STIM1: variants seen among roughly 807,000 people sequenced by gnomAD.
STIM1 encodes stromal interaction molecule 1.
In STIM1, 25 loss-of-function variants were observed where a neutral mutation model predicts 74.7. The ratio of observed to expected loss-of-function variants is 0.33; its 90% CI spans 0.24 to 0.47. STIM1 has a LOEUF of 0.47. STIM1 is among the 20% of genes least tolerant of loss of function. The pLI is 1.00. For missense variants in STIM1, 728 were observed against 920.8 expected (o/e 0.79, Z 2.71); for synonymous variants, 328 against 348.8 (o/e 0.94, Z 0.66).
At position 4,055,643 on chromosome 11, in the gene STIM1, G is replaced by A; in HGVS notation, c.497+6G>A. 6.4e-7 allele frequency: 1 copy of A among 1,571,296 alleles called. No individual in the cohort carries two copies. The highest frequency in any genetic ancestry group is 2.3e-5 in the East Asian group (1 of 43,146). On this transcript the variant is annotated splice_donor_region_variant and intron_variant, in intron 4 of 12. Coordinates refer to ENST00000526596, the MANE Select transcript of STIM1 (RefSeq NM_001382567.1). ...AGTGGCCATGCCATGCCAAGGTCAG[G>A]AGGGGACTGGGTTTTTCTCTGTTGA...
rs192200663 is a variant in STIM1, at chr11:4,087,388, T to C, written c.1634+845T>C. On this transcript the variant is annotated intron_variant, in intron 12 of 12. Transcript: ENST00000526596. ...GGAATGCTTCACCAAAGAGATGAATTTGTGCTAACATCCTGTGTGAAGGGA... is the reference window on the plus strand; with the variant it reads ...GGAATGCTTCACCAAAGAGATGAATCTGTGCTAACATCCTGTGTGAAGGGA... Among the ~76,000 whole-genome samples the C allele has an allele frequency of 7.0e-4, 106 of 152,290 alleles. 1 individual carries two copies. The highest frequency in any genetic ancestry group is 2.5e-3 in the African/African-American group (104 of 41,546).
At chr11:4,044,003 A>C (rs1284215334) in intron 3 of STIM1, among the ~76,000 whole-genome samples, 1 of 151,018 alleles carries the variant, frequency 6.6e-6, no homozygotes, top group Non-Finnish European at 1.5e-5. Context: ...GACATAGTAG[A>C]CTCCGCCTCA....
At chr11:3,923,397 C>T (rs536524318) in intron 1 of STIM1, among the ~76,000 whole-genome samples, 3 of 152,076 alleles carry the variant, frequency 2.0e-5, no homozygotes, top group African/African-American at 7.2e-5. Flanking sequence ...TCACTTGAGG[C>T]CAGGAGTTTG....
chr11:3,931,011 T>C (rs1041891483), intron 1 of STIM1, among the ~76,000 whole-genome samples: 1 of 152,212 alleles, frequency 6.6e-6, no homozygotes, highest in East Asian at 1.9e-4. Flanking sequence ...CTCCTAGAGC[T>C]TGCAGTGTAG....
intron 2 of STIM1, among the ~76,000 whole-genome samples, chr11:4,021,349 C>T (rs2093954196): frequency 6.6e-6 from 1 of 152,230 alleles, no homozygotes; most frequent in South Asian, 2.1e-4. Flanking sequence ...TGGTCTCCAA[C>T]TCCCAGCTTC....
Position 4,091,615 on chromosome 11 carries a change from C to T in STIM1, c.1968C>T (p.Asp656=), listed in dbSNP as rs1347659816. 1 of 1,614,232 alleles carries T rather than the reference C, an allele frequency of 6.2e-7. No homozygotes were observed. The change falls in exon 13 of 13, where the codon GAC becomes GAT. Residue 656 remains aspartate (D), a synonymous_variant. Transcript: ENST00000526596. ...RSHSPSSPDP[D]TPSPVGDSRA... ...ACAGCCCCAGCTCCCCAGACCCAGACACACCATCTCCAGTTGGGGACAGCC... is the reference window on the plus strand; with the variant it reads ...ACAGCCCCAGCTCCCCAGACCCAGATACACCATCTCCAGTTGGGGACAGCC...
chr11:3,977,734 A>C (rs1466567055), intron 2 of STIM1, among the ~76,000 whole-genome samples: 3 of 152,178 alleles, frequency 2.0e-5, no homozygotes, highest in Non-Finnish European at 4.4e-5. Context: ...AACTTTAGGC[A>C]AATAACCTTA....
At chr11:3,937,023 C>T (rs1018859985) in intron 1 of STIM1, among the ~76,000 whole-genome samples, 1 of 151,952 alleles carries the variant, frequency 6.6e-6, no homozygotes, top group African/African-American at 2.4e-5. Flanking sequence ...TTAATCTCTG[C>T]AGCTGGGTGC....
chr11:3,865,315 TC>T (rs1358415446), intron 1 of STIM1, among the ~76,000 whole-genome samples: 2 of 152,236 alleles, frequency 1.3e-5, no homozygotes, highest in Admixed American at 1.3e-4. Context: ...TATAATTTTC[TC>T]TGATTCTCAT....
At chr11:3,973,597 G>A (rs1198794071) in intron 2 of STIM1, among the ~76,000 whole-genome samples, 1 of 152,022 alleles carries the variant, frequency 6.6e-6, no homozygotes, top group Non-Finnish European at 1.5e-5. Flanking sequence ...ATGAGGTCTT[G>A]CCATGCTGCC....
chr11:3,895,686 C>CT lies in STIM1; in HGVS notation c.139+39280dup, dbSNP rs1247033789. The stretch of plus-strand genomic sequence containing the variant: ...TCTTTCTTTCTTTCCTTCCTTCCTT[C>CT]TTTCTTTCTTTCTTTCTTTCTTTCT... On this transcript the variant is annotated intron_variant, in intron 1 of 12. Coordinates refer to ENST00000526596, the MANE Select transcript of STIM1 (RefSeq NM_001382567.1). Among the ~76,000 whole-genome samples the CT allele has an allele frequency of 5.8e-3, 203 of 34,760 alleles. 4 individuals are homozygous for CT. Among genetic ancestry groups the CT allele is most frequent in the African/African-American group, 9.8e-3 (51 of 5,202 alleles). The allele number at this position is 34,760 out of a possible 152,430, so 22.8% of individuals were successfully genotyped here.
At chr11:3,995,280 T>C (rs561005840) in intron 2 of STIM1, among the ~76,000 whole-genome samples, 1 of 152,304 alleles carries the variant, frequency 6.6e-6, no homozygotes, top group Admixed American at 6.5e-5. Flanking sequence ...TAATATATTG[T>C]AGCAACTTTG....
At chr11:4,005,781 A>C (rs1300567902) in intron 2 of STIM1, among the ~76,000 whole-genome samples, 1 of 152,144 alleles carries the variant, frequency 6.6e-6, no homozygotes, top group Non-Finnish European at 1.5e-5. Context: ...ATAGACTGAC[A>C]GAAAAGAGAC....
chr11:3,989,347 T>C, intron 2 of STIM1: 2 of 814,418 alleles, frequency 2.5e-6, no homozygotes, highest in Non-Finnish European at 4.4e-6. Context: ...TGCTGCTGCC[T>C]TTTTCGGCTT....
At chr11:4,067,871 C>G (rs1373029283) in intron 5 of STIM1, among the ~76,000 whole-genome samples, 1 of 152,192 alleles carries the variant, frequency 6.6e-6, no homozygotes, top group African/African-American at 2.4e-5. Flanking sequence ...CTTCTGTATG[C>G]TGGTTGATGT....
rs181645463 is a variant in STIM1 at position 3,963,333 on chromosome 11, G to A, written c.140-4219G>A. 1.2e-3 allele frequency among the ~76,000 whole-genome samples: 179 copies of A among 152,260 alleles called. 1 individual carries two copies. Among genetic ancestry groups the A allele is most frequent in the African/African-American group, 4.1e-3 (171 of 41,558 alleles). The stretch of plus-strand genomic sequence containing the variant: ...AGCTCCTACTTAGAAGTGAGAACAT[G>A]TGGTATTTGGTTTTCTGTTCCTGTG... On this transcript the variant is annotated intron_variant, in intron 1 of 12. Coordinates refer to ENST00000526596, the MANE Select transcript of STIM1 (RefSeq NM_001382567.1).
chr11:3,924,451 G>GTGGA (rs2092762794), intron 1 of STIM1, among the ~76,000 whole-genome samples: 1 of 152,020 alleles, frequency 6.6e-6, no homozygotes, highest in Non-Finnish European at 1.5e-5. Context: ...ACCTGCCTTG[G>GTGGA]TCTCCCAAAG....
chr11:3,962,238 C>T (rs79897690), intron 1 of STIM1, among the ~76,000 whole-genome samples: 3 of 152,242 alleles, frequency 2.0e-5, no homozygotes, highest in Admixed American at 6.5e-5. Flanking sequence ...CGTCCTCCCC[C>T]ACTCCTGGCA....
At chr11:3,939,051 G>A (rs181032788) in intron 1 of STIM1, among the ~76,000 whole-genome samples, 1 of 152,264 alleles carries the variant, frequency 6.6e-6, no homozygotes, top group East Asian at 1.9e-4. Context: ...GTTGGGCAAA[G>A]AACTTTTCTG....
Sources: gnomAD v4.1 joint callset for allele counts (sites outside exome capture counted in the v4.1 genomes callset) on GRCh38, gnomAD v4.1.1 for gene constraint, MANE v1.5 for transcripts, NCBI Gene and HGNC (gene_info 2026-07-23, HGNC 2026-07-21) for gene names.